The following VPS54 variants were observed in gnomAD, a reference collection of about 807,000 sequenced individuals.
VPS54 encodes vacuolar protein sorting-associated protein 54.
Under a neutral mutation model 121.5 loss-of-function variants are expected in VPS54, and 45 were observed. The ratio of observed to expected loss-of-function variants is 0.37; its 90% CI spans 0.29 to 0.47. The LOEUF is 0.47. Among genes scored for constraint, VPS54 ranks in the 20% least tolerant of loss-of-function variants. The pLI is 0.99. For synonymous variants in VPS54, 371 were observed against 385.8 expected (o/e 0.96, Z 0.45); for missense variants, 1,090 against 1,131.4 (o/e 0.96, Z 0.52).
chr2:63,965,446 A>T (rs1257252412), intron 6 of VPS54, among the ~76,000 whole-genome samples: 1 of 152,232 alleles, frequency 6.6e-6, no homozygotes, highest in Non-Finnish European at 1.5e-5. Flanking sequence ...ACTGCACTCC[A>T]GCCTGGGCAA....
chr2:63,894,485 T>C (rs1383928239), intron 22 of VPS54, among the ~76,000 whole-genome samples: 1 of 152,126 alleles, frequency 6.6e-6, no homozygotes, highest in African/African-American at 2.4e-5. Context: ...GAGGATCACC[T>C]GAGCTCAGGA....
chr2:63,926,391 T>C (rs1047889519), intron 12 of VPS54, among the ~76,000 whole-genome samples: 2 of 152,212 alleles, frequency 1.3e-5, no homozygotes, highest in African/African-American at 4.8e-5. Context: ...TATTAATATA[T>C]AGCTCAGGGT....
chr2:63,899,334 G>A, intron 21 of VPS54, 140 bp downstream of exon 21: 1 of 670,284 alleles, frequency 1.5e-6, no homozygotes, highest in East Asian at 2.8e-5. Context: ...TGTTCTACCA[G>A]TCAATATAAC....
chr2:63,994,133 A>G (rs1480315231), intron 1 of VPS54, among the ~76,000 whole-genome samples: 2 of 151,992 alleles, frequency 1.3e-5, no homozygotes, highest in Non-Finnish European at 2.9e-5. Context: ...GTCTCATTCA[A>G]TCCTCCCTGA....
At chr2:63,898,492 G>A (rs983573963) in intron 21 of VPS54, among the ~76,000 whole-genome samples, 3 of 152,120 alleles carry the variant, frequency 2.0e-5, no homozygotes, top group African/African-American at 7.2e-5. Context: ...AGGGAAGTAC[G>A]AAGAAAATGT....
At chr2:63,928,517 C>A (rs1418028918) in intron 12 of VPS54, among the ~76,000 whole-genome samples, 2 of 152,140 alleles carry the variant, frequency 1.3e-5, no homozygotes, top group African/African-American at 4.8e-5. Context: ...AAGCACTAAA[C>A]ATGGAAAGGA....
chr2:64,006,447 G>C (rs146761945), intron 1 of VPS54, among the ~76,000 whole-genome samples: 1 of 152,272 alleles, frequency 6.6e-6, no homozygotes, highest in African/African-American at 2.4e-5. Flanking sequence ...TCATTTATTA[G>C]TTGTGTGACA....
chr2:63,938,689 T>C (rs1674579181), intron 11 of VPS54, among the ~76,000 whole-genome samples: 1 of 152,196 alleles, frequency 6.6e-6, no homozygotes, highest in Non-Finnish European at 1.5e-5. Flanking sequence ...GGTCTCAAAT[T>C]CCTGACCTCA....
chr2:63,937,902 A>G (rs1420692417), intron 11 of VPS54, among the ~76,000 whole-genome samples: 1 of 152,208 alleles, frequency 6.6e-6, no homozygotes, highest in Non-Finnish European at 1.5e-5. Context: ...AGCCAGTCAC[A>G]AAAGGATAAA....
rs1019165874 is a variant in VPS54 at position 63,899,653 on chromosome 2, A to G, written c.2626-72T>C. Reference sequence around the variant, plus strand: ...CATAATGTCTCCACCATTCCCTGAGACATATATTTACTGTCCCTCCACATA... The same window carrying G: ...CATAATGTCTCCACCATTCCCTGAGGCATATATTTACTGTCCCTCCACATA... On this transcript the variant is annotated intron_variant, in intron 20 of 22. Transcript: ENST00000272322. 8 of 1,243,068 alleles carry G rather than the reference A, an allele frequency of 6.4e-6. No individual in the cohort carries two copies. In the African/African-American group the frequency reaches 8.9e-5, roughly 14 times the overall value. 77.0% of individuals were successfully genotyped at this position (1,243,068 alleles called of 1,614,324 possible).
intron 1 of VPS54, among the ~76,000 whole-genome samples, chr2:63,993,852 T>C (rs1287711316): frequency 6.6e-6 from 1 of 152,246 alleles, no homozygotes; most frequent in African/African-American, 2.4e-5. Flanking sequence ...GCTGGTTATG[T>C]AGGTCCTACA....
In VPS54 at chr2:63,981,828, C is replaced by G. The variant is rs200298618; in HGVS notation, c.196G>C (p.Val66Leu). 6.2e-7 allele frequency: 1 copy of G among 1,613,514 alleles called. No individual in the cohort carries two copies. The highest frequency in any genetic ancestry group is 1.3e-5 in the African/African-American group (1 of 74,892). The change falls in exon 3 of 23, where the codon GTA becomes CTA. Residue 66 changes from valine (V) to leucine (L), a missense_variant. Val to Leu is a conservative substitution (Grantham distance 32). Transcript: ENST00000272322. ...SLVTDQHRWTVYHSKVNLPAA... is the reference protein window; with the variant it reads ...SLVTDQHRWTLYHSKVNLPAA... Reference sequence around the variant, plus strand: ...GGGAGATTTACTTTGGAATGATATACAGTCCATCTATGTTGATCTGTAACT... The same window carrying G: ...GGGAGATTTACTTTGGAATGATATAGAGTCCATCTATGTTGATCTGTAACT...
rs1269311076 is a variant in VPS54, at chr2:63,893,075, A to G, written c.*355T>C. On this transcript the variant is annotated 3_prime_UTR_variant, in exon 23 of 23. Coordinates refer to ENST00000272322, the MANE Select transcript of VPS54 (RefSeq NM_016516.3). The stretch of plus-strand genomic sequence containing the variant: ...TATGAATTTCATTGCACTGGAAGAA[A>G]TGCAAAGCATTTTTTAATATAAAGT... 4.9e-6 allele frequency: 1 copy of G among 203,156 alleles called. No individual in the cohort carries two copies. The highest frequency in any genetic ancestry group is 1.0e-5 in the Non-Finnish European group (1 of 99,888). The allele number at this position is 203,156 out of a possible 1,614,324, so 12.6% of individuals were successfully genotyped here.
intron 1 of VPS54, among the ~76,000 whole-genome samples, chr2:64,004,178 A>T (rs905395645): frequency 6.6e-6 from 1 of 152,272 alleles, no homozygotes; most frequent in East Asian, 1.9e-4. Flanking sequence ...AGAGATACTT[A>T]AGGGAGAAAA....
chr2:63,937,796 G>A (rs555801778), intron 11 of VPS54, among the ~76,000 whole-genome samples: 1 of 152,090 alleles, frequency 6.6e-6, no homozygotes, highest in African/African-American at 2.4e-5. Flanking sequence ...CACATATAAT[G>A]GAATATTATT....
intron 15 of VPS54, among the ~76,000 whole-genome samples, 183 bp downstream of exon 15, chr2:63,919,700 C>T (rs1012826125): frequency 4.6e-5 from 7 of 152,056 alleles, no homozygotes; most frequent in South Asian, 2.1e-4. Context: ...GGTTATAACA[C>T]GCAATAAATA....
rs1678530864 is a variant in VPS54, at chr2:64,013,567, T to G, written c.-21+5371A>C. Among the ~76,000 whole-genome samples the G allele has an allele frequency of 2.0e-5, 3 of 147,420 alleles. No homozygotes were observed. In the South Asian group the frequency reaches 6.3e-4, roughly 31 times the overall value. Reference sequence around the variant, plus strand: ...TGCTGATATATATATATGATATATATATCAGCATTTATATATAAATATATA... The same window carrying G: ...TGCTGATATATATATATGATATATAGATCAGCATTTATATATAAATATATA... On this transcript the variant is annotated intron_variant, in intron 1 of 22. Coordinates refer to ENST00000272322, the MANE Select transcript of VPS54 (RefSeq NM_016516.3).
intron 20 of VPS54, among the ~76,000 whole-genome samples, chr2:63,899,921 G>A (rs561422578): frequency 6.6e-6 from 1 of 152,170 alleles, no homozygotes; most frequent in Non-Finnish European, 1.5e-5. Flanking sequence ...CCAAAGGGCT[G>A]CTGTGAGGAT....
intron 20 of VPS54, among the ~76,000 whole-genome samples, chr2:63,900,323 T>A (rs1289994006): frequency 6.6e-6 from 1 of 151,462 alleles, no homozygotes; most frequent in East Asian, 1.9e-4. Flanking sequence ...TGTAGGTGGG[T>A]CAATATAGTA....
Sources: allele counts gnomAD v4.1 joint callset (sites outside exome capture counted in the v4.1 genomes callset), GRCh38; gene constraint gnomAD v4.1.1; transcripts MANE v1.5; gene names NCBI Gene and HGNC (gene_info 2026-07-23, HGNC 2026-07-21).